BTD: variants seen among roughly 807,000 people sequenced by gnomAD.
The protein encoded by BTD is biotinidase.
A neutral mutation model predicts 17.7 loss-of-function variants in BTD; 13 were observed. That is an observed-to-expected ratio of 0.74 (90% confidence interval 0.48 to 1.17). BTD has a LOEUF of 1.17. BTD is among the 50% of genes most tolerant of loss of function. BTD has a pLI of 0.00. For synonymous variants in BTD, 240 were observed against 245.2 expected, an observed-to-expected ratio of 0.98 and a Z score of 0.20; for missense variants, 674 against 650.4, an observed-to-expected ratio of 1.04 and a Z score of -0.39.
downstream of BTD, chr3:15,714,669 G>C: frequency 1.3e-6 from 2 of 1,568,536 alleles, no homozygotes; most frequent in Non-Finnish European, 1.7e-6. Flanking sequence ...GGGGGGGGAA[G>C]AAAAAAATTA....
At chr3:15,628,297 A>G (rs1268457241) in intron 1 of BTD, among the ~76,000 whole-genome samples, 1 of 152,242 alleles carries the variant, frequency 6.6e-6, no homozygotes, top group Admixed American at 6.5e-5. Flanking sequence ...TCCACCATAC[A>G]TCTAGAGATG....
At chr3:15,699,559 G>A (rs573853692) in intron 3 of BTD, among the ~76,000 whole-genome samples, 158 of 152,070 alleles carry the variant, frequency 1.0e-3, no homozygotes, top group African/African-American at 3.7e-3. Context: ...ACAACCCCAT[G>A]AAAAAGTGGG....
intron 3 of BTD, among the ~76,000 whole-genome samples, chr3:15,697,779 T>C (rs1033093186): frequency 1.6e-4 from 25 of 152,208 alleles, no homozygotes; most frequent in African/African-American, 5.5e-4. Context: ...TCTTTTTCTA[T>C]TGTTTGGAAT....
intron 3 of BTD, among the ~76,000 whole-genome samples, chr3:15,695,898 C>T (rs1351047812): frequency 6.6e-6 from 1 of 151,960 alleles, no homozygotes. Context: ...ATAGTGTAGA[C>T]ATGAACATGG....
In BTD at chr3:15,695,930, G is replaced by C. The variant is rs968456857; in HGVS notation, c.400-14130G>C. ...ATGGGGTAATCAGTAGCCCTCTTCA[G>C]AGATCTAATTTTCTCCTTTTTTAAA... On this transcript the variant is annotated intron_variant, in intron 3 of 3. Coordinates refer to the BTD transcript ENST00000672141. 1.3e-5 allele frequency among the ~76,000 whole-genome samples: 2 copies of C among 152,164 alleles called. 1 individual carries two copies. The highest frequency in any genetic ancestry group is 1.3e-4 in the Admixed American group (2 of 15,264).
In BTD at chr3:15,644,759, C is replaced by A. The variant is rs1344958210; in HGVS notation, c.843C>A (p.Val281=). The change falls in exon 4 of 4, where the codon GTC becomes GTA. Residue 281 remains valine (V), a synonymous_variant. Coordinates refer to ENST00000643237, the MANE Select transcript of BTD (RefSeq NM_001370658.1). ...AFGINVLAAN[V]HHPVLGMTGS... is the part of the protein sequence containing the mutation. ...GCATCAACGTTCTGGCAGCTAATGT[C>A]CACCACCCAGTTCTGGGGATGACAG... The A allele has an allele frequency of 1.2e-6, 2 of 1,614,030 alleles. No homozygotes were observed. The highest frequency in any genetic ancestry group is 1.7e-6 in the Non-Finnish European group (2 of 1,180,044).
chr3:15,602,310 G>A lies in BTD; in HGVS notation c.-17+416G>A, dbSNP rs1055002412. Reference sequence around the variant, plus strand: ...CAAGCGATGAAAAGAGCACCTTGAAGGTAGTATAGAGCACTGTTTTCTCCA... The same window carrying A: ...CAAGCGATGAAAAGAGCACCTTGAAAGTAGTATAGAGCACTGTTTTCTCCA... On this transcript the variant is annotated intron_variant, in intron 1 of 3. Coordinates refer to ENST00000643237, the MANE Select transcript of BTD (RefSeq NM_001370658.1). The A allele has an allele frequency of 2.6e-6, 3 of 1,137,420 alleles. No homozygotes were observed. The African/African-American group carries it at 4.8e-5, about 18-fold the overall frequency. 70.5% of individuals were successfully genotyped at this position (1,137,420 alleles called of 1,614,324 possible).
intron 3 of BTD, among the ~76,000 whole-genome samples, chr3:15,707,392 T>A (rs2071601310): frequency 6.6e-6 from 1 of 152,254 alleles, no homozygotes; most frequent in African/African-American, 2.4e-5. Context: ...ATTTACTTAT[T>A]CTGCCATCTA....
chr3:15,679,103 C>T (rs752970720), intron 3 of BTD, among the ~76,000 whole-genome samples: 2 of 151,884 alleles, frequency 1.3e-5, no homozygotes, highest in Non-Finnish European at 2.9e-5. Flanking sequence ...GCCTCCTGAA[C>T]AGCTGGGATC....
At chr3:15,654,616 T>G (rs1026674830), downstream of BTD, among the ~76,000 whole-genome samples, 2 of 152,164 alleles carry the variant, frequency 1.3e-5, no homozygotes, top group South Asian at 4.1e-4. Context: ...GTTTTTGAGA[T>G]GAAGTCTCAC....
exon 4 of BTD, among the ~76,000 whole-genome samples, chr3:15,711,966 G>C (rs1559385026): frequency 6.6e-6 from 1 of 152,006 alleles, no homozygotes; most frequent in East Asian, 1.9e-4. Context: ...AAAGTGCTGG[G>C]ATTACAGGCA....
At chr3:15,605,414 A>T (rs1376789318) in intron 1 of BTD, among the ~76,000 whole-genome samples, 1 of 152,182 alleles carries the variant, frequency 6.6e-6, no homozygotes, top group Non-Finnish European at 1.5e-5. Flanking sequence ...ACCGCTCATG[A>T]TATGTAGGGA....
intron 1 of BTD, among the ~76,000 whole-genome samples, chr3:15,602,526 C>T (rs1055432495): frequency 6.6e-6 from 1 of 152,014 alleles, no homozygotes; most frequent in African/African-American, 2.4e-5. Flanking sequence ...GTCATTAGAC[C>T]CTCTGCTCAG....
At chr3:15,629,429 C>T (rs1436919006) in intron 1 of BTD, among the ~76,000 whole-genome samples, 2 of 152,142 alleles carry the variant, frequency 1.3e-5, no homozygotes, top group Admixed American at 1.3e-4. Flanking sequence ...ATTTGAGACC[C>T]TCTGCTCTGG....
At position 15,651,994 on chromosome 3, in the gene BTD, T is replaced by C. The variant is rs2065812441; in HGVS notation, c.*6506T>C. ...GTCGTTTTGTGTAACCAATAAAATA[T>C]GGCAGATGCGATGGCATGTTACTTC... On this transcript the variant is annotated 3_prime_UTR_variant, in exon 4 of 4. Transcript: ENST00000643237. 2.0e-5 allele frequency among the ~76,000 whole-genome samples: 3 copies of C among 152,200 alleles called. No homozygotes were observed. Among genetic ancestry groups the C allele is most frequent in the Non-Finnish European group, 2.9e-5 (2 of 68,030 alleles).
In BTD at chr3:15,708,131, T is replaced by A. The variant is rs1158370956; in HGVS notation, c.400-1929T>A. ...ACATAACTAGTAAACAAAAGCATAG[T>A]TGACTCTTACTCCTCCCAGTTACAA... On this transcript the variant is annotated intron_variant, in intron 3 of 3. Coordinates refer to the BTD transcript ENST00000672141. 4.0e-6 allele frequency: 6 copies of A among 1,511,790 alleles called. No homozygotes were observed. The East Asian group carries it at 1.5e-4, about 37-fold the overall frequency. The allele number at this position is 1,511,790 out of a possible 1,614,324, so 93.6% of individuals were successfully genotyped here. A position where few individuals can be genotyped will look rare whatever the true frequency, so the allele number is the denominator to read the frequency against.
At chr3:15,664,956 G>A (rs915892774) in intron 3 of BTD, among the ~76,000 whole-genome samples, 14 of 151,858 alleles carry the variant, frequency 9.2e-5, no homozygotes, top group African/African-American at 3.1e-4. Flanking sequence ...AACCCCCCAC[G>A]GCATGCAGTT....
At chr3:15,610,382 A>G (rs911669669) in intron 1 of BTD, among the ~76,000 whole-genome samples, 5 of 152,234 alleles carry the variant, frequency 3.3e-5, no homozygotes, top group African/African-American at 1.2e-4. Context: ...CTCATTAGCC[A>G]AAGCAAGTTA....
intron 3 of BTD, among the ~76,000 whole-genome samples, chr3:15,703,881 CAACTT>C (rs1385353593): frequency 6.6e-6 from 1 of 152,116 alleles, no homozygotes; most frequent in Non-Finnish European, 1.5e-5. Flanking sequence ...ACCAGGACTT[CAACTT>C]TGATTAAGGC....
Sources: gnomAD v4.1 joint callset for allele counts (sites outside exome capture counted in the v4.1 genomes callset) on GRCh38, gnomAD v4.1.1 for gene constraint, MANE v1.5 for transcripts, NCBI Gene and HGNC (gene_info 2026-07-23, HGNC 2026-07-21) for gene names.